The following KIAA1328 variants were observed in gnomAD, a reference collection of about 807,000 sequenced individuals.
KIAA1328 encodes the protein KIAA1328.
Under a neutral mutation model 68.1 loss-of-function variants are expected in KIAA1328, and 52 were observed. The ratio of observed to expected loss-of-function variants is 0.76; its 90% CI spans 0.61 to 0.96. The LOEUF (loss-of-function observed/expected upper bound fraction) is 0.96. Among genes scored for constraint, KIAA1328 ranks in the 40% least tolerant of loss-of-function variants. The pLI is 0.00. For missense variants in KIAA1328, 641 were observed against 677.6 expected (o/e 0.95, Z 0.60); for synonymous variants, 232 against 239.4 (o/e 0.97, Z 0.28).
At chr18:36,987,213 T>C (rs2052961678) in intron 6 of KIAA1328, among the ~76,000 whole-genome samples, 1 of 74,954 alleles carries the variant, frequency 1.3e-5, no homozygotes, top group Admixed American at 1.8e-4. Flanking sequence ...GAAACCATCA[T>C]TCTCAGTAAA....
intron 7 of KIAA1328, among the ~76,000 whole-genome samples, chr18:37,098,159 A>G (rs909025809): frequency 3.9e-5 from 6 of 152,202 alleles, no homozygotes; most frequent in Non-Finnish European, 7.3e-5. Context: ...GCCAGTTTTC[A>G]AAGGGAATGC....
chr18:37,162,679 G>A (rs532171258), intron 8 of KIAA1328, among the ~76,000 whole-genome samples: 28 of 152,124 alleles, frequency 1.8e-4, no homozygotes, highest in Non-Finnish European at 3.1e-4. Flanking sequence ...CTTCTTAATT[G>A]CTTTACCCTC....
chr18:37,046,929 G>A (rs1461563363), intron 6 of KIAA1328, among the ~76,000 whole-genome samples: 2 of 152,158 alleles, frequency 1.3e-5, no homozygotes, highest in African/African-American at 4.8e-5. Flanking sequence ...TCAGTAGTTC[G>A]AGACCGGCAT....
intron 6 of KIAA1328, among the ~76,000 whole-genome samples, chr18:36,992,451 C>CTT (rs71168252): frequency 4.9e-4 from 64 of 130,060 alleles, no homozygotes; most frequent in African/African-American, 2.0e-3. Context: ...TCTTTTCTTT[C>CTT]TTTTTTTTTT....
At chr18:37,006,882 A>G (rs1171152967) in intron 6 of KIAA1328, among the ~76,000 whole-genome samples, 2 of 152,204 alleles carry the variant, frequency 1.3e-5, no homozygotes, top group African/African-American at 4.8e-5. Flanking sequence ...TATTTAACAA[A>G]TGGTAGCTGT....
intron 6 of KIAA1328, among the ~76,000 whole-genome samples, chr18:37,044,794 G>A (rs1448405760): frequency 2.1e-5 from 3 of 141,948 alleles, no homozygotes; most frequent in East Asian, 3.9e-4. Flanking sequence ...GTAAGACTCC[G>A]GCTCAAAAAA....
intron 6 of KIAA1328, among the ~76,000 whole-genome samples, chr18:37,061,906 TAC>T (rs1445809018): frequency 6.6e-6 from 1 of 152,154 alleles, no homozygotes; most frequent in Non-Finnish European, 1.5e-5. Context: ...GTGCAGTGCA[TAC>T]AGAGTGATAA....
In KIAA1328 at chr18:36,959,305, C is replaced by T; in HGVS notation, c.449-3C>T. 1 of 1,573,362 alleles carries T rather than the reference C, an allele frequency of 6.4e-7. No individual in the cohort carries two copies. The stretch of plus-strand genomic sequence containing the variant: ...GTTTTTTTCCCTTAATTTGCAATCT[C>T]ACCTCTTCAGCTACAGTATAGAGAA... On this transcript the variant is annotated splice_polypyrimidine_tract_variant and splice_region_variant and intron_variant, in intron 5 of 9. Coordinates refer to ENST00000280020, the MANE Select transcript of KIAA1328 (RefSeq NM_020776.3).
intron 5 of KIAA1328, among the ~76,000 whole-genome samples, chr18:36,926,126 G>A (rs17748621): frequency 0.034 from 5,220 of 152,092 alleles, 117 homozygotes; most frequent in East Asian, 0.096. Context: ...CTTCTTGTTC[G>A]AAAGGGTTAA....
intron 7 of KIAA1328, among the ~76,000 whole-genome samples, chr18:37,111,831 C>T (rs993534725): frequency 2.6e-5 from 4 of 152,186 alleles, no homozygotes; most frequent in Non-Finnish European, 4.4e-5. Flanking sequence ...TCTAACATTG[C>T]GCTTTCCCAA....
At chr18:37,105,980 A>G (rs1177293008) in intron 7 of KIAA1328, among the ~76,000 whole-genome samples, 1 of 146,318 alleles carries the variant, frequency 6.8e-6, no homozygotes, top group African/African-American at 2.5e-5. Flanking sequence ...TTAAATAAAT[A>G]TAAAAATTAT....
intron 6 of KIAA1328, among the ~76,000 whole-genome samples, chr18:37,001,121 G>T (rs2053571878): frequency 6.6e-6 from 1 of 151,550 alleles, no homozygotes; most frequent in Non-Finnish European, 1.5e-5. Flanking sequence ...TTGATAAACT[G>T]CTAACTACAT....
chr18:37,041,649 T>C (rs1350643662), intron 6 of KIAA1328, among the ~76,000 whole-genome samples: 1 of 22,528 alleles, frequency 4.4e-5, no homozygotes, highest in Non-Finnish European at 1.3e-4. Flanking sequence ...TTTGTGTGTG[T>C]GTGTGTGTGT....
intron 6 of KIAA1328, among the ~76,000 whole-genome samples, chr18:36,977,067 A>G (rs1250310635): frequency 6.6e-6 from 1 of 152,220 alleles, no homozygotes; most frequent in Non-Finnish European, 1.5e-5. Context: ...AGATAGAAAC[A>G]TACTACTTAA....
chr18:36,984,013 A>ATC (rs2052803601), intron 6 of KIAA1328, among the ~76,000 whole-genome samples: 1 of 152,180 alleles, frequency 6.6e-6, no homozygotes, highest in Admixed American at 6.5e-5. Flanking sequence ...CCATATATTC[A>ATC]TCTCAATAGG....
chr18:37,074,196 A>G (rs2056630393), intron 7 of KIAA1328, among the ~76,000 whole-genome samples: 2 of 152,196 alleles, frequency 1.3e-5, no homozygotes, highest in Non-Finnish European at 2.9e-5. Flanking sequence ...CAGAGAGAGC[A>G]GGCTGTTTTT....
At chr18:37,033,745 A>G (rs1390271274) in intron 6 of KIAA1328, among the ~76,000 whole-genome samples, 2 of 152,172 alleles carry the variant, frequency 1.3e-5, no homozygotes, top group East Asian at 3.9e-4. Context: ...CTGTCATGCC[A>G]TTTCTGGCCA....
At chr18:37,130,757 C>A in intron 7 of KIAA1328, among the ~76,000 whole-genome samples, 1 of 152,148 alleles carries the variant, frequency 6.6e-6, no homozygotes, top group African/African-American at 2.4e-5. Context: ...TTAAAATGCC[C>A]CATGGATAAG....
At chr18:37,033,664 C>A (rs2054918205) in intron 6 of KIAA1328, among the ~76,000 whole-genome samples, 1 of 152,260 alleles carries the variant, frequency 6.6e-6, no homozygotes, top group South Asian at 2.1e-4. Flanking sequence ...GCAGTCTTAG[C>A]AAAACTCAAG....
Sources: allele counts gnomAD v4.1 joint callset (sites outside exome capture counted in the v4.1 genomes callset), GRCh38; gene constraint gnomAD v4.1.1; transcripts MANE v1.5; gene names NCBI Gene and HGNC (gene_info 2026-07-23, HGNC 2026-07-21).